The following AUH variants were observed in gnomAD, a reference collection of about 807,000 sequenced individuals.
AUH encodes the protein methylglutaconyl-CoA hydratase, mitochondrial.
A neutral mutation model predicts 42.3 loss-of-function variants in AUH; 29 were observed. That is an observed-to-expected ratio of 0.69 (90% CI 0.51 to 0.93). The LOEUF is 0.93. AUH is among the 40% of genes least tolerant of loss of function. The pLI is 0.00. For missense variants in AUH, 452 were observed against 438.1 expected (o/e 1.03, Z -0.28); for synonymous variants, 174 against 166.4 (o/e 1.05, Z -0.35).
chr9:91,230,881 C>G (rs192051032), intron 6 of AUH, among the ~76,000 whole-genome samples: 3 of 152,196 alleles, frequency 2.0e-5, no homozygotes, highest in Non-Finnish European at 4.4e-5. Context: ...TCAGGGGTCA[C>G]GGACCCACTT....
intron 6 of AUH, among the ~76,000 whole-genome samples, chr9:91,285,497 C>A (rs956174760): frequency 1.3e-5 from 2 of 151,936 alleles, no homozygotes; most frequent in African/African-American, 4.8e-5. Flanking sequence ...AGAAGCCACA[C>A]TGTTTTTCTG....
intron 6 of AUH, among the ~76,000 whole-genome samples, chr9:91,254,500 T>A (rs1356387052): frequency 2.0e-5 from 3 of 152,200 alleles, no homozygotes; most frequent in Non-Finnish European, 4.4e-5. Context: ...TTAGCAATCA[T>A]GGATATAAAT....
intron 4 of AUH, among the ~76,000 whole-genome samples, chr9:91,324,960 TGTAA>T (rs1829867813): frequency 6.6e-6 from 1 of 152,010 alleles, no homozygotes; most frequent in Non-Finnish European, 1.5e-5. Context: ...TGATAGTTAC[TGTAA>T]GTCTTAAAAA....
At chr9:91,235,858 C>A (rs1828145288) in intron 6 of AUH, among the ~76,000 whole-genome samples, 1 of 152,170 alleles carries the variant, frequency 6.6e-6, no homozygotes, top group South Asian at 2.1e-4. Flanking sequence ...ATACTTAGAG[C>A]TATGGCAGCC....
At chr9:91,215,975 T>A (rs904882597) in intron 9 of AUH, 84 bp downstream of exon 9, 1 of 1,403,214 alleles carries the variant, frequency 7.1e-7, no homozygotes, top group South Asian at 1.2e-5. Flanking sequence ...GTAATCTTGC[T>A]CAGTGAAATT....
intron 6 of AUH, among the ~76,000 whole-genome samples, chr9:91,285,297 C>T (rs1408756973): frequency 6.7e-6 from 1 of 148,630 alleles, no homozygotes; most frequent in Non-Finnish European, 1.5e-5. Context: ...ACATCACACA[C>T]TGGGGCCTGT....
chr9:91,278,547 C>A (rs1396281806), intron 6 of AUH, among the ~76,000 whole-genome samples: 2 of 152,078 alleles, frequency 1.3e-5, no homozygotes, highest in Non-Finnish European at 2.9e-5. Flanking sequence ...TTGTGGGTAA[C>A]AAATCTTGGA....
rs190501378 is a variant in AUH, at chr9:91,214,826, T to G, written c.943-401A>C. Among the ~76,000 whole-genome samples, 58 of 152,374 alleles carry G rather than the reference T, an allele frequency of 3.8e-4. 1 individual carries two copies. The East Asian group carries it at 6.7e-3, about 18-fold the overall frequency. On this transcript the variant is annotated intron_variant, in intron 9 of 9. Coordinates refer to ENST00000375731, the MANE Select transcript of AUH (RefSeq NM_001698.3). ...ATAACATTATTTAGAAGGATGTTGT[T>G]TAATCACCCAATATTTTGGGTTTTT...
chr9:91,254,440 T>C (rs889188165), intron 6 of AUH, among the ~76,000 whole-genome samples: 3 of 152,232 alleles, frequency 2.0e-5, no homozygotes, highest in African/African-American at 4.8e-5. Context: ...GATGAGCTTA[T>C]GCTTTCTTTA....
chr9:91,215,943 T>A, intron 9 of AUH, 116 bp downstream of exon 9: 1 of 1,088,856 alleles, frequency 9.2e-7, no homozygotes, highest in African/African-American at 1.6e-5. Context: ...CCCATTTGTA[T>A]GATTTTGGAA....
In AUH at chr9:91,327,207, C is replaced by G. The variant is rs62565790; in HGVS notation, c.419-1803G>C. ...CCTGCCTCCTGTTACCATGAATGAA[C>G]TAACTCATTGAGAGTGACAGAAGAC... On this transcript the variant is annotated intron_variant, in intron 3 of 9. Coordinates refer to ENST00000375731, the MANE Select transcript of AUH (RefSeq NM_001698.3). Among the ~76,000 whole-genome samples the G allele has an allele frequency of 5.9e-3, 905 of 152,310 alleles. 3 individuals carry two copies. The highest frequency in any genetic ancestry group is 9.6e-3 in the Non-Finnish European group (653 of 68,028).
chr9:91,258,294 C>T (rs1293537167), intron 6 of AUH, among the ~76,000 whole-genome samples: 1 of 152,102 alleles, frequency 6.6e-6, no homozygotes, highest in African/African-American at 2.4e-5. Flanking sequence ...GGAGTGCAAT[C>T]GTGTGATCTC....
rs907918182 is a variant in AUH, at chr9:91,247,796, G to T, written c.656-26804C>A. On this transcript the variant is annotated intron_variant, in intron 6 of 9. Transcript: ENST00000375731. ...AGAGCATCTTTTTATGTGCATATTT[G>T]CCATACTTACATTTTCTTTAGTGAA... Among the ~76,000 whole-genome samples, 46 of 152,036 alleles carry T rather than the reference G, an allele frequency of 3.0e-4. 1 individual carries two copies. Among genetic ancestry groups the T allele is most frequent in the Non-Finnish European group, 1.0e-4 (7 of 68,014 alleles).
intron 4 of AUH, among the ~76,000 whole-genome samples, chr9:91,309,666 G>A (rs907586490): frequency 6.6e-6 from 1 of 152,136 alleles, no homozygotes; most frequent in African/African-American, 2.4e-5. Flanking sequence ...CCACAGGGGA[G>A]GACAGTGGTG....
Position 91,325,336 on chromosome 9 carries a change from C to T in AUH, c.487G>A (p.Ala163Thr). 1 of 1,613,740 alleles carries T rather than the reference C, an allele frequency of 6.2e-7. No homozygotes were observed. The highest frequency in any genetic ancestry group is 8.5e-7 in the Non-Finnish European group (1 of 1,179,786). ...TGCTTACCAATATCGTTAATCACTGCTCTTATTTTGGAGACAAAAGGACCA... is the reference window on the plus strand; with the variant it reads ...TGCTTACCAATATCGTTAATCACTGTTCTTATTTTGGAGACAAAAGGACCA... ...EVGPFVSKIR[A>T]VINDIANLPV... is the part of the protein sequence containing the mutation. The change falls in exon 4 of 10, where the codon GCA (alanine) becomes ACA (threonine). Residue 163 changes from alanine to threonine, a missense_variant. Ala to Thr is a moderately conservative substitution (Grantham distance 58). Coordinates refer to ENST00000375731, the MANE Select transcript of AUH (RefSeq NM_001698.3).
chr9:91,361,735 T>G lies in AUH; in HGVS notation c.155A>C (p.Gln52Pro). Reference protein sequence around the residue: ...GRRAGPAIWAQGWVPAAGGPA... With the variant: ...GRRAGPAIWAPGWVPAAGGPA... The stretch of plus-strand genomic sequence containing the variant: ...ACCCCCGGCCGCAGGTACCCAGCCC[T>G]GGGCCCAGATCGCCGGGCCCGCTCG... The change falls in exon 1 of 10, where the codon CAG becomes CCG. Residue 52 changes from glutamine to proline, a missense_variant. Coordinates refer to ENST00000375731, the MANE Select transcript of AUH (RefSeq NM_001698.3). 1 of 1,547,486 alleles carries G rather than the reference T, an allele frequency of 6.5e-7. No individual in the cohort carries two copies. Among genetic ancestry groups the G allele is most frequent in the Non-Finnish European group, 8.7e-7 (1 of 1,146,162 alleles).
intron 3 of AUH, among the ~76,000 whole-genome samples, chr9:91,348,464 G>A (rs1831703947): frequency 6.6e-6 from 1 of 152,168 alleles, no homozygotes; most frequent in Admixed American, 6.5e-5. Flanking sequence ...CAGAAGTGAT[G>A]CATAAAAGCC....
intron 3 of AUH, among the ~76,000 whole-genome samples, chr9:91,346,541 C>T (rs1388358707): frequency 6.6e-6 from 1 of 152,180 alleles, no homozygotes; most frequent in African/African-American, 2.4e-5. Context: ...TCCTGAGTTT[C>T]GTGAGATGCT....
At chr9:91,258,762 C>A (rs1443099696) in intron 6 of AUH, among the ~76,000 whole-genome samples, 1 of 152,166 alleles carries the variant, frequency 6.6e-6, no homozygotes, top group Non-Finnish European at 1.5e-5. Context: ...TTTAAGAAAT[C>A]ATGAGTCAAT....
Sources: allele counts gnomAD v4.1 joint callset (sites outside exome capture counted in the v4.1 genomes callset), GRCh38; gene constraint gnomAD v4.1.1; transcripts MANE v1.5; gene names NCBI Gene and HGNC (gene_info 2026-07-23, HGNC 2026-07-21).